The following SFXN2 variants were observed in gnomAD, a reference collection of about 807,000 sequenced individuals.
SFXN2 encodes sideroflexin 2.
In SFXN2, 37 loss-of-function variants were observed where a neutral mutation model predicts 41.9. That is an observed-to-expected ratio of 0.88 (90% confidence interval 0.68 to 1.16). The LOEUF (loss-of-function observed/expected upper bound fraction) is 1.16. SFXN2 is among the 50% of genes most tolerant of loss of function. SFXN2 has a pLI of 0.00. For synonymous variants in SFXN2, 150 were observed against 156.7 expected, an observed-to-expected ratio of 0.96 and a Z score of 0.32; for missense variants, 386 against 425.2, an observed-to-expected ratio of 0.91 and a Z score of 0.81.
In SFXN2 at chr10:102,733,573, C is replaced by A; in HGVS notation, c.791C>A (p.Ala264Asp). The A allele has an allele frequency of 3.1e-6, 5 of 1,613,988 alleles. No individual in the cohort carries two copies. Among genetic ancestry groups the A allele is most frequent in the Non-Finnish European group, 4.2e-6 (5 of 1,179,820 alleles). Residue 264 changes from alanine to aspartate, a missense_variant, in exon 10 of 12, where the codon GCC becomes GAC. Physicochemically the swap from Ala to Asp is moderately radical, Grantham distance 126. Transcript: ENST00000369893. ...ATACAGAAAGTCAAGGTCCTGCACG[C>A]CCCATTGCAGGTCATGCTGAGCGGG... Reference protein sequence around the residue: ...HFMQKVKVLHAPLQVMLSGCF... With the variant: ...HFMQKVKVLHDPLQVMLSGCF...
rs148502462 is a variant in SFXN2, at chr10:102,730,535, G to A, written c.593+727G>A. Among the ~76,000 whole-genome samples the A allele has an allele frequency of 1.7e-3, 262 of 152,328 alleles. 1 individual carries two copies. The highest frequency in any genetic ancestry group is 3.0e-3 in the Non-Finnish European group (205 of 68,040). ...GAGGAAGCACTACCAGAATAGTTGT[G>A]CACACATGCTGCTCCATTCATCTTT... On this transcript the variant is annotated intron_variant, in intron 6 of 11. Coordinates refer to ENST00000369893, the MANE Select transcript of SFXN2 (RefSeq NM_178858.6).
At chr10:102,728,026 C>T (rs1229888416) in intron 3 of SFXN2, among the ~76,000 whole-genome samples, 8 of 152,060 alleles carry the variant, frequency 5.3e-5, no homozygotes, top group East Asian at 1.9e-4. Flanking sequence ...AAGCTGGGCA[C>T]GGTGGCTCAT....
Position 102,733,573 on chromosome 10 carries a change from C to T in SFXN2, c.791C>T (p.Ala264Val). ...HFMQKVKVLH[A>V]PLQVMLSGCF... ...ATACAGAAAGTCAAGGTCCTGCACG[C>T]CCCATTGCAGGTCATGCTGAGCGGG... Residue 264 changes from alanine to valine, a missense_variant, in exon 10 of 12, where the codon GCC (alanine) becomes GTC (valine). Ala to Val is a moderately conservative substitution (Grantham distance 64). Coordinates refer to ENST00000369893, the MANE Select transcript of SFXN2 (RefSeq NM_178858.6). 1.2e-6 allele frequency: 2 copies of T among 1,613,988 alleles called. No individual in the cohort carries two copies. The highest frequency in any genetic ancestry group is 1.7e-6 in the Non-Finnish European group (2 of 1,179,820).
chr10:102,732,937 C>T (rs760546444), intron 9 of SFXN2, 29 bp downstream of exon 9: 5 of 1,613,462 alleles, frequency 3.1e-6, no homozygotes, highest in Non-Finnish European at 4.2e-6. Flanking sequence ...GGCATTTTCC[C>T]TGCCCAGAGT....
chr10:102,728,134 A>G (rs1417716294), intron 3 of SFXN2, among the ~76,000 whole-genome samples: 2 of 152,108 alleles, frequency 1.3e-5, no homozygotes, highest in African/African-American at 4.8e-5. Flanking sequence ...CCCCGTCTCT[A>G]CTAAAAATAC....
rs138845717 is a variant in SFXN2, at chr10:102,729,618, G to A, written c.508-105G>A. On this transcript the variant is annotated intron_variant, in intron 5 of 11. Transcript: ENST00000369893. ...CAGACTGGGTGTCTGGATGTGTGGCGGTAGCAAGGCCTAGTTTTCTTTTTT... is the reference window on the plus strand; with the variant it reads ...CAGACTGGGTGTCTGGATGTGTGGCAGTAGCAAGGCCTAGTTTTCTTTTTT... The A allele has an allele frequency of 7.6e-4, 960 of 1,261,648 alleles. 18 individuals are homozygous for A. In the East Asian group the frequency reaches 0.019, roughly 25 times the overall value. The allele number at this position is 1,261,648 out of a possible 1,614,324, so 78.2% of individuals were successfully genotyped here.
intron 9 of SFXN2, 31 bp downstream of exon 9, chr10:102,732,939 G>C: frequency 6.2e-7 from 1 of 1,612,920 alleles, no homozygotes; most frequent in Non-Finnish European, 8.5e-7. Context: ...CATTTTCCCT[G>C]CCCAGAGTGC....
At chr10:102,715,059 GTGT>G in intron 1 of SFXN2, 1 of 152,754 alleles carries the variant, frequency 6.5e-6, no homozygotes, top group South Asian at 2.1e-4. Context: ...TTGACACAGG[GTGT>G]CGCTCTGTCG....
rs113903951 is a variant in SFXN2 at position 102,733,596 on chromosome 10, G to A, written c.814G>A (p.Gly272Arg). The A allele has an allele frequency of 1.4e-4, 222 of 1,613,890 alleles. No homozygotes were observed. Among genetic ancestry groups the A allele is most frequent in the Non-Finnish European group, 1.8e-4 (218 of 1,179,880 alleles). ...LHAPLQVMLS[G>R]CFLIFMVPVA... ...CGCCCCATTGCAGGTCATGCTGAGC[G>A]GGTGCTTGTAAGTATCATATTTTGA... The change falls in exon 10 of 12, where the codon GGG becomes AGG. Residue 272 changes from glycine (G) to arginine (R), a missense_variant. By Grantham distance (125) the Gly-to-Arg change is moderately radical. Transcript: ENST00000369893.
intron 9 of SFXN2, among the ~76,000 whole-genome samples, chr10:102,733,119 T>C (rs1291540466): frequency 1.3e-5 from 2 of 152,144 alleles, no homozygotes; most frequent in African/African-American, 4.8e-5. Context: ...CAAGGCCTTC[T>C]TTAAGGGCCA....
rs1842809377 is a variant in SFXN2, at chr10:102,742,906, C to T, written c.*5144C>T. The T allele has an allele frequency of 6.6e-6, 1 of 152,128 alleles. No homozygotes were observed. Among genetic ancestry groups the T allele is most frequent in the South Asian group, 2.1e-4 (1 of 4,828 alleles). The allele number at this position is 152,128 out of a possible 1,614,324, so 9.4% of individuals were successfully genotyped here. On this transcript the variant is annotated 3_prime_UTR_variant, in exon 12 of 12. Transcript: ENST00000369893. ...CGCAGATATAAGTGTTACAAGAATC[C>T]AGAAGAAGCAGCAAGGAGATGGGGC...
intron 1 of SFXN2, among the ~76,000 whole-genome samples, chr10:102,718,879 T>C (rs2064457698): frequency 6.7e-6 from 1 of 150,162 alleles, no homozygotes; most frequent in South Asian, 2.1e-4. Flanking sequence ...TTCTTTCTGG[T>C]GGTTCTTCCC....
intron 10 of SFXN2, among the ~76,000 whole-genome samples, chr10:102,733,961 C>T (rs1291179097): frequency 1.3e-5 from 2 of 152,056 alleles, no homozygotes; most frequent in East Asian, 1.9e-4. Context: ...AGCCTCAGCT[C>T]GCTGCAACCT....
intron 6 of SFXN2, among the ~76,000 whole-genome samples, chr10:102,730,616 G>C (rs538176988): frequency 2.6e-5 from 4 of 152,326 alleles, no homozygotes; most frequent in African/African-American, 9.6e-5. Context: ...GCCACCTACC[G>C]GGGCTTGAGT....
chr10:102,729,668 C>T, intron 5 of SFXN2, 55 bp from the exon 6 acceptor site: 1 of 1,550,756 alleles, frequency 6.4e-7, no homozygotes, highest in Non-Finnish European at 8.9e-7. Context: ...CAGCCCCCTC[C>T]CCTCCCATCT....
At chr10:102,731,237 A>AGCC (rs1351723409) in intron 6 of SFXN2, among the ~76,000 whole-genome samples, 1 of 148,976 alleles carries the variant, frequency 6.7e-6, no homozygotes, top group African/African-American at 2.5e-5. Flanking sequence ...ACTACACTCC[A>AGCC]GCCTGGGTGA....
At chr10:102,736,508 G>A (rs1046518643) in intron 11 of SFXN2, among the ~76,000 whole-genome samples, 2 of 147,732 alleles carry the variant, frequency 1.4e-5, no homozygotes, top group Admixed American at 6.9e-5. Context: ...TGCAACCTCC[G>A]ACTCCCTGAA....
At chr10:102,732,793 A>T in intron 8 of SFXN2, 66 bp from the exon 9 acceptor site, 1 of 1,552,716 alleles carries the variant, frequency 6.4e-7, no homozygotes, top group South Asian at 1.1e-5. Context: ...TCCTGGTCTG[A>T]CTTCAGAAGG....
intron 10 of SFXN2, 30 bp from the exon 11 acceptor site, chr10:102,735,832 C>T (rs1036855549): frequency 3.7e-6 from 6 of 1,613,232 alleles, no homozygotes; most frequent in Middle Eastern, 1.6e-4. Flanking sequence ...GGAGATGTCC[C>T]CTGATGCTTT....
Sources: allele counts gnomAD v4.1 joint callset (sites outside exome capture counted in the v4.1 genomes callset), GRCh38; gene constraint gnomAD v4.1.1; transcripts MANE v1.5; gene names NCBI Gene and HGNC (gene_info 2026-07-23, HGNC 2026-07-21).